LRRC9: variants seen among roughly 807,000 people sequenced by gnomAD.
The protein encoded by LRRC9 is leucine-rich repeat-containing protein 9.
A neutral mutation model predicts 63.2 loss-of-function variants in LRRC9; 122 were observed. The observed-to-expected ratio is 1.93, with a 90% confidence interval of 1.67 to 2.24. The LOEUF is 2.24. LRRC9 is among the 30% of genes most tolerant of loss of function. The pLI is 0.00. For missense variants in LRRC9, 1,071 were observed against 627.7 expected, an observed-to-expected ratio of 1.71 and a Z score of -7.55; for synonymous variants, 366 against 213.1, an observed-to-expected ratio of 1.72 and a Z score of -6.25.
At chr14:60,055,977 C>T (rs1160628574) in intron 30 of LRRC9, among the ~76,000 whole-genome samples, 1 of 152,030 alleles carries the variant, frequency 6.6e-6, no homozygotes, top group Non-Finnish European at 1.5e-5. Flanking sequence ...TATTCTTTGC[C>T]ATTACCAGCT....
At position 60,017,938 on chromosome 14, in the gene LRRC9, C is replaced by G. The variant is rs887577075; in HGVS notation, c.3318-433C>G. ...ACCTGCTTTTCCTTTCCTTTCCTAT[C>G]CCTAACCACTTCCTGGTATTTCAGA... On this transcript the variant is annotated intron_variant, in intron 24 of 31. Coordinates refer to ENST00000445360, the Ensembl canonical transcript of LRRC9. The surrounding 1 kb of genome is among the most constrained non-coding windows in gnomAD (Gnocchi z 4.0). 6.6e-6 allele frequency among the ~76,000 whole-genome samples: 1 copy of G among 152,050 alleles called. No individual in the cohort carries two copies. Among genetic ancestry groups the G allele is most frequent in the African/African-American group, 2.4e-5 (1 of 41,436 alleles).
At position 59,992,413 on chromosome 14, in the gene LRRC9, G is replaced by A. The variant is rs575682650; in HGVS notation, c.2212-5243G>A. 1.9e-3 allele frequency among the ~76,000 whole-genome samples: 296 copies of A among 152,284 alleles called. 2 individuals are homozygous for A. The highest frequency in any genetic ancestry group is 0.011 in the South Asian group (51 of 4,820). ...TCTAAAAATCAGAGCGCCTCTTCTC[G>A]TCCAAAGGAACGCAGCTCCTCACCA... On this transcript the variant is annotated intron_variant, in intron 17 of 31. Coordinates refer to ENST00000445360, the Ensembl canonical transcript of LRRC9.
rs568656132 is a variant in LRRC9 at position 59,990,909 on chromosome 14, C to T, written c.2211+5685C>T. 1.3e-5 allele frequency among the ~76,000 whole-genome samples: 2 copies of T among 152,304 alleles called. No homozygotes were observed. The highest frequency in any genetic ancestry group is 4.1e-4 in the South Asian group (2 of 4,824). On this transcript the variant is annotated intron_variant, in intron 17 of 31. Coordinates refer to ENST00000445360, the Ensembl canonical transcript of LRRC9. This position sits in a 1 kb window ranked among gnomAD's most constrained non-coding sequence, Gnocchi z 4.2. ...TCTCCCACATGAATACCATGCAGGT[C>T]TTGTGTTGATGGTGGTTTATCTCTA...
At chr14:59,992,994 A>T (rs1215796019) in intron 17 of LRRC9, among the ~76,000 whole-genome samples, 2 of 152,172 alleles carry the variant, frequency 1.3e-5, no homozygotes, top group Admixed American at 6.5e-5. Flanking sequence ...CAACTCCAAG[A>T]CACATAATTG....
In LRRC9 at chr14:60,003,604, T is replaced by A. The variant is rs1889568867; in HGVS notation, c.2665-17T>A. 1 of 628,888 alleles carries A rather than the reference T, an allele frequency of 1.6e-6. No homozygotes were observed. Among genetic ancestry groups the A allele is most frequent in the African/African-American group, 1.9e-5 (1 of 53,544 alleles). The allele number at this position is 628,888 out of a possible 1,614,324, so 39.0% of individuals were successfully genotyped here. ...TATAAGATTTAGAAATAACATACAA[T>A]GTAAATTATTCTACAGATAACTGCC... On this transcript the variant is annotated splice_polypyrimidine_tract_variant and intron_variant, in intron 20 of 31. Coordinates refer to ENST00000445360, the Ensembl canonical transcript of LRRC9. This position sits in a 1 kb window ranked among gnomAD's most constrained non-coding sequence, Gnocchi z 4.2.
chr14:59,967,149 C>A lies in LRRC9; in HGVS notation c.1442C>A (p.Ser481Ter). 1.6e-6 allele frequency: 1 copy of A among 644,368 alleles called. No individual in the cohort carries two copies. The highest frequency in any genetic ancestry group is 1.7e-5 in the South Asian group (1 of 59,342). 39.9% of individuals were successfully genotyped at this position (644,368 alleles called of 1,614,324 possible). The change falls in exon 12 of 32, where the codon TCA becomes TAA. Residue 481 changes from serine (S) to a stop codon, truncating the protein, a stop_gained. Coordinates refer to ENST00000445360, the Ensembl canonical transcript of LRRC9. LOFTEE classifies it high-confidence loss of function. ...TTTTATGTTTTTGATCCTGAAGTTT[C>A]AGTGAAGAAAAAGCATCTTCTACAA...
downstream of LRRC9, among the ~76,000 whole-genome samples, chr14:60,066,533 A>C (rs1234686522): frequency 6.6e-6 from 1 of 152,106 alleles, no homozygotes; most frequent in Non-Finnish European, 1.5e-5. Flanking sequence ...CTGATGCCTT[A>C]CTATAAAACT....
At chr14:60,040,671 T>A (rs1892869489) in intron 29 of LRRC9, among the ~76,000 whole-genome samples, 1 of 151,938 alleles carries the variant, frequency 6.6e-6, no homozygotes, top group Non-Finnish European at 1.5e-5. Context: ...GTGAGATGGG[T>A]CTCCTGAATA....
chr14:60,066,740 C>A (rs1026973776), downstream of LRRC9, among the ~76,000 whole-genome samples: 1 of 152,154 alleles, frequency 6.6e-6, no homozygotes, highest in East Asian at 1.9e-4. Context: ...CAAGTTTTTA[C>A]TTTACAAATA....
intron 29 of LRRC9, among the ~76,000 whole-genome samples, chr14:60,052,223 A>AGAAG (rs1423317440): frequency 6.6e-6 from 1 of 152,230 alleles, no homozygotes; most frequent in Non-Finnish European, 1.5e-5. Context: ...GAAGAAGGGA[A>AGAAG]GAAGGAAGGA....
intron 30 of LRRC9, chr14:60,054,010 A>G (rs1284756882): frequency 4.8e-6 from 2 of 420,996 alleles, no homozygotes; most frequent in Non-Finnish European, 9.2e-6. Context: ...AATATAAATG[A>G]ATCTTTGATG....
At chr14:59,977,087 T>C (rs1233497649) in intron 13 of LRRC9, 138 bp from the exon 14 acceptor site, 2 of 569,032 alleles carry the variant, frequency 3.5e-6, no homozygotes, top group Non-Finnish European at 3.1e-6. Context: ...TTATGCGCTG[T>C]ACAGTAGCAA....
intron 17 of LRRC9, among the ~76,000 whole-genome samples, chr14:59,988,367 G>C (rs219347): frequency 0.75 from 113,295 of 152,022 alleles, 44,392 homozygotes; most frequent in Non-Finnish European, 0.87. Context: ...ATGCGTGCAC[G>C]CATGCGTGTG....
intron 17 of LRRC9, among the ~76,000 whole-genome samples, chr14:59,997,427 G>A (rs219363): frequency 6.6e-6 from 1 of 151,880 alleles, no homozygotes; most frequent in African/African-American, 2.4e-5. Context: ...ATTGCCACTC[G>A]GTGTTACAAG....
chr14:59,993,103 T>C (rs991448958), intron 17 of LRRC9, among the ~76,000 whole-genome samples: 5 of 152,204 alleles, frequency 3.3e-5, no homozygotes, highest in Non-Finnish European at 7.3e-5. Flanking sequence ...GACTAACAGC[T>C]GATCTCTCGG....
chr14:59,952,205 C>T (rs1232584069), intron 8 of LRRC9, among the ~76,000 whole-genome samples: 36 of 151,884 alleles, frequency 2.4e-4, no homozygotes, highest in African/African-American at 7.2e-4. Context: ...TCTCGTGGTG[C>T]GCCGTTTTTT....
chr14:60,001,230 T>G (rs909480603), intron 19 of LRRC9, among the ~76,000 whole-genome samples: 4 of 151,940 alleles, frequency 2.6e-5, no homozygotes, highest in African/African-American at 9.7e-5. Context: ...ACCCAGCAAT[T>G]TTACTTTACT....
intron 28 of LRRC9, chr14:60,030,219 G>T (rs1891882395): frequency 6.6e-6 from 1 of 152,080 alleles, no homozygotes; most frequent in African/African-American, 2.4e-5. Context: ...TATTTCAAGT[G>T]AAGGTATATG....
At chr14:59,994,300 A>G (rs1035953188) in intron 17 of LRRC9, among the ~76,000 whole-genome samples, 1 of 152,224 alleles carries the variant, frequency 6.6e-6, no homozygotes, top group Non-Finnish European at 1.5e-5. Flanking sequence ...GCAAATCAAA[A>G]CCACAATGAG....
Sources: allele counts gnomAD v4.1 joint callset (sites outside exome capture counted in the v4.1 genomes callset), GRCh38; gene constraint gnomAD v4.1.1; non-coding constraint Gnocchi (gnomAD v3.1); transcripts MANE v1.5; gene names NCBI Gene and HGNC (gene_info 2026-07-23, HGNC 2026-07-21).